Variants in CAMTA1 observed in about 807,000 individuals in gnomAD.
The protein encoded by CAMTA1 is calmodulin-binding transcription activator 1.
Under a neutral mutation model 170.9 loss-of-function variants are expected in CAMTA1, and 27 were observed. That is an observed-to-expected ratio of 0.16 (90% confidence interval 0.12 to 0.22). CAMTA1 has a LOEUF of 0.22. CAMTA1 is among the 10% of genes least tolerant of loss of function. The pLI is 1.00. For missense variants in CAMTA1, 1,619 were observed against 2,217.2 expected (o/e 0.73, Z 5.42); for synonymous variants, 833 against 891.5 (o/e 0.93, Z 1.17).
chr1:7,457,506 G>A (rs932101844), intron 5 of CAMTA1, among the ~76,000 whole-genome samples: 4 of 151,822 alleles, frequency 2.6e-5, no homozygotes, highest in Admixed American at 2.0e-4. Context: ...CAGTGTCCCC[G>A]GGCCAGGCTG....
At chr1:7,384,861 G>A (rs997692705) in intron 5 of CAMTA1, among the ~76,000 whole-genome samples, 2 of 152,048 alleles carry the variant, frequency 1.3e-5, no homozygotes, top group African/African-American at 4.8e-5. Context: ...CTACCTCTTG[G>A]GCCACTGAAG....
At chr1:6,795,183 T>G in intron 1 of CAMTA1, among the ~76,000 whole-genome samples, 1 of 152,118 alleles carries the variant, frequency 6.6e-6, no homozygotes, top group African/African-American at 2.4e-5. Context: ...TTTTAAAACT[T>G]ATTTTATCTT....
chr1:7,292,675 T>G (rs1673322968), intron 5 of CAMTA1, among the ~76,000 whole-genome samples: 1 of 152,140 alleles, frequency 6.6e-6, no homozygotes, highest in South Asian at 2.1e-4. Flanking sequence ...CCTTTGAAAA[T>G]TATCAAGAGC....
chr1:6,896,763 G>A (rs893007192), intron 3 of CAMTA1, among the ~76,000 whole-genome samples: 6 of 152,152 alleles, frequency 3.9e-5, no homozygotes, highest in African/African-American at 1.4e-4. Flanking sequence ...AGTCTCAAAT[G>A]TATTATGCCA....
chr1:7,576,397 A>C (rs1224757309), intron 6 of CAMTA1, among the ~76,000 whole-genome samples: 1 of 152,156 alleles, frequency 6.6e-6, no homozygotes, highest in Non-Finnish European at 1.5e-5. Context: ...CAGTGATGGT[A>C]TTAGGAAGTG....
intron 3 of CAMTA1, among the ~76,000 whole-genome samples, chr1:7,082,446 T>TAGAC (rs1398360228): frequency 6.9e-6 from 1 of 144,850 alleles, no homozygotes; most frequent in Admixed American, 6.9e-5. Flanking sequence ...TCGAAATAGA[T>TAGAC]AGATAGATAG....
chr1:7,290,682 C>G (rs899511979), intron 5 of CAMTA1, among the ~76,000 whole-genome samples: 3 of 152,044 alleles, frequency 2.0e-5, no homozygotes, highest in Non-Finnish European at 4.4e-5. Context: ...CTTGCTGCGA[C>G]GTAAATTATT....
chr1:7,162,081 C>T (rs966724019), intron 4 of CAMTA1, among the ~76,000 whole-genome samples: 1 of 152,060 alleles, frequency 6.6e-6, no homozygotes, highest in African/African-American at 2.4e-5. Flanking sequence ...ATGTAGAAGG[C>T]CATTGGGCAG....
Position 7,426,901 on chromosome 1 carries a change from G to T in CAMTA1, c.439-40929G>T, listed in dbSNP as rs2091898657. On this transcript the variant is annotated intron_variant, in intron 5 of 22. Transcript: ENST00000303635. This position sits in a 1 kb window ranked among gnomAD's most constrained non-coding sequence, Gnocchi z 4.8. ...AGATGAAATTTGGTCCTTAAATCTGGCCTGTGTTTTTAGTAATTTATCAGG... is the reference window on the plus strand; with the variant it reads ...AGATGAAATTTGGTCCTTAAATCTGTCCTGTGTTTTTAGTAATTTATCAGG... Among the ~76,000 whole-genome samples, 1 of 152,168 alleles carries T rather than the reference G, an allele frequency of 6.6e-6. No homozygotes were observed. Among genetic ancestry groups the T allele is most frequent in the South Asian group, 2.1e-4 (1 of 4,824 alleles).
rs116919393 is a variant in CAMTA1 at position 7,625,275 on chromosome 1, C to T, written c.511-15125C>T. ...GGAAGGCAGTGAGGGGAGACTGGGG[C>T]GGTGGCCTCAAGGGCCAAGAGGAAA... On this transcript the variant is annotated intron_variant, in intron 6 of 22. Coordinates refer to ENST00000303635, the MANE Select transcript of CAMTA1 (RefSeq NM_015215.4). Among the ~76,000 whole-genome samples the T allele has an allele frequency of 2.1e-3, 323 of 152,298 alleles. 10 individuals carry two copies. The East Asian group carries it at 0.046, about 22-fold the overall frequency.
intron 6 of CAMTA1, among the ~76,000 whole-genome samples, chr1:7,517,753 C>T (rs1057327055): frequency 1.3e-5 from 2 of 151,912 alleles, no homozygotes; most frequent in Non-Finnish European, 2.9e-5. Flanking sequence ...GGGCATCCCC[C>T]ATCAGGGAGA....
In CAMTA1 at chr1:7,600,214, G is replaced by A. The variant is rs142115441; in HGVS notation, c.511-40186G>A. On this transcript the variant is annotated intron_variant, in intron 6 of 22. Coordinates refer to ENST00000303635, the MANE Select transcript of CAMTA1 (RefSeq NM_015215.4). The stretch of plus-strand genomic sequence containing the variant: ...TTGAGATAATCATGTGGTTTTTGTC[G>A]TTGGTTCTGTTTATGTGCTGGATTA... 6.9e-3 allele frequency among the ~76,000 whole-genome samples: 1,055 copies of A among 152,224 alleles called. 17 individuals carry two copies. The highest frequency in any genetic ancestry group is 0.024 in the African/African-American group (1,014 of 41,530).
chr1:7,421,075 G>A (rs2091527906), intron 5 of CAMTA1, among the ~76,000 whole-genome samples: 2 of 152,182 alleles, frequency 1.3e-5, no homozygotes, highest in African/African-American at 4.8e-5. Context: ...CCTTCATCCA[G>A]GACATTTCCA....
At chr1:7,474,084 G>T (rs943003850) in intron 6 of CAMTA1, among the ~76,000 whole-genome samples, 2 of 152,238 alleles carry the variant, frequency 1.3e-5, no homozygotes, top group African/African-American at 4.8e-5. Flanking sequence ...CTCTGTGTGG[G>T]GTGGGGTTTA....
chr1:7,564,252 A>G (rs2095003926), intron 6 of CAMTA1, among the ~76,000 whole-genome samples: 1 of 152,172 alleles, frequency 6.6e-6, no homozygotes, highest in Non-Finnish European at 1.5e-5. Flanking sequence ...GCTGGCTTCT[A>G]AGGCAAGAGT....
chr1:7,303,822 G>A (rs946907913), intron 5 of CAMTA1, among the ~76,000 whole-genome samples: 1 of 152,358 alleles, frequency 6.6e-6, no homozygotes, highest in East Asian at 1.9e-4. Context: ...GGAGAGGAAA[G>A]AGCTGAAGGG....
intron 11 of CAMTA1, among the ~76,000 whole-genome samples, chr1:7,696,772 G>A (rs1250441154): frequency 2.0e-5 from 3 of 152,120 alleles, no homozygotes; most frequent in Non-Finnish European, 2.9e-5. Flanking sequence ...CTTGAGAAGG[G>A]TTGGACCCTG....
intron 3 of CAMTA1, among the ~76,000 whole-genome samples, chr1:6,985,757 G>C (rs1230757880): frequency 1.3e-5 from 2 of 152,214 alleles, no homozygotes; most frequent in East Asian, 3.8e-4. Context: ...TGGGCTGTGT[G>C]TGAGCAGAAG....
At chr1:7,549,317 T>A (rs1195984481) in intron 6 of CAMTA1, among the ~76,000 whole-genome samples, 1 of 151,972 alleles carries the variant, frequency 6.6e-6, no homozygotes. Context: ...TGACTTCTAC[T>A]CGGGACTCAC....
Sources: allele counts gnomAD v4.1 joint callset (sites outside exome capture counted in the v4.1 genomes callset), GRCh38; gene constraint gnomAD v4.1.1; non-coding constraint Gnocchi (gnomAD v3.1); transcripts MANE v1.5; gene names NCBI Gene and HGNC (gene_info 2026-07-23, HGNC 2026-07-21).